The following ZNF85 variants were observed in gnomAD, a reference collection of about 807,000 sequenced individuals.
ZNF85 encodes the protein zinc finger protein 85 (HPF4, HTF1).
Under a neutral mutation model 53.9 loss-of-function variants are expected in ZNF85, and 50 were observed. The ratio of observed to expected loss-of-function variants is 0.93; its 90% CI spans 0.74 to 1.17. ZNF85 has a LOEUF of 1.17. Among genes scored for constraint, ZNF85 ranks in the 50% most tolerant of loss-of-function variants. ZNF85 has a pLI of 0.00. For missense variants in ZNF85, 747 were observed against 688.5 expected, an observed-to-expected ratio of 1.08 and a Z score of -0.95; for synonymous variants, 225 against 226.1, an observed-to-expected ratio of 1.00 and a Z score of 0.04.
intron 1 of ZNF85, among the ~76,000 whole-genome samples, 196 bp from the exon 2 acceptor site, chr19:20,933,828 A>G (rs1057014024): frequency 5.3e-5 from 8 of 152,176 alleles, no homozygotes; most frequent in African/African-American, 1.9e-4. Flanking sequence ...ATTAGAGAAT[A>G]TTTCTGTGTT....
intron 3 of ZNF85, among the ~76,000 whole-genome samples, chr19:20,939,532 C>A (rs1010484147): frequency 1.3e-5 from 2 of 150,898 alleles, no homozygotes; most frequent in African/African-American, 4.9e-5. Flanking sequence ...AGATTACAGG[C>A]CTGAGCCACC....
chr19:20,935,938 T>G (rs111655079), intron 3 of ZNF85, among the ~76,000 whole-genome samples: 1,808 of 152,282 alleles, frequency 0.012, 34 homozygotes, highest in African/African-American at 0.034. Flanking sequence ...TTTCAATGCA[T>G]AGACATAAAA....
At chr19:20,944,007 G>A (rs1973364109) in intron 3 of ZNF85, 1 of 319,598 alleles carries the variant, frequency 3.1e-6, no homozygotes, top group Non-Finnish European at 4.5e-6. Flanking sequence ...ATATTTTCCA[G>A]TTTGTTATTG....
intron 3 of ZNF85, chr19:20,937,428 G>A (rs774862500): frequency 1.8e-5 from 8 of 449,134 alleles, no homozygotes; most frequent in Non-Finnish European, 3.1e-5. Flanking sequence ...CAGAGGAATT[G>A]TAGCTTGATC....
chr19:20,942,418 A>G (rs1207801970), intron 3 of ZNF85, among the ~76,000 whole-genome samples: 1 of 152,128 alleles, frequency 6.6e-6, no homozygotes, highest in East Asian at 1.9e-4. Flanking sequence ...CTGGGATTAC[A>G]GACGTGAGCC....
intron 3 of ZNF85, among the ~76,000 whole-genome samples, chr19:20,935,794 T>C (rs111472066): frequency 0.012 from 1,796 of 152,108 alleles, 31 homozygotes; most frequent in African/African-American, 0.034. Flanking sequence ...AGGTGATCCA[T>C]GTGCCTTGGC....
intron 1 of ZNF85, among the ~76,000 whole-genome samples, chr19:20,923,667 G>A (rs1358528300): frequency 6.6e-6 from 1 of 152,080 alleles, no homozygotes; most frequent in Non-Finnish European, 1.5e-5. Context: ...GCAGCACCGC[G>A]TCTCTCCCAG....
At chr19:20,933,980 T>A (rs1305817290) in intron 1 of ZNF85, 44 bp from the exon 2 acceptor site, 1 of 1,471,824 alleles carries the variant, frequency 6.8e-7, no homozygotes, top group Non-Finnish European at 9.3e-7. Context: ...TGTGTGTGTG[T>A]GTGTGTGTGT....
At chr19:20,946,498 A>T in intron 3 of ZNF85, 2 of 244,122 alleles carry the variant, frequency 8.2e-6, no homozygotes, top group Non-Finnish European at 8.0e-6. Flanking sequence ...ATTATATTGC[A>T]CTCTATGTGT....
rs755638919 is a variant in ZNF85 at position 20,949,244 on chromosome 19, A to C, written c.730A>C (p.Asn244His). 6.2e-7 allele frequency: 1 copy of C among 1,612,920 alleles called. No homozygotes were observed. ...TGGTAAAGCCTTTAACCAGTCCTCA[A>C]ACCTTATTAAACATAAGAAAATTCA... ...ECGKAFNQSS[N>H]LIKHKKIHTG... Residue 244 changes from asparagine to histidine, a missense_variant, in exon 4 of 4, where the codon AAC (asparagine) becomes CAC (histidine). Asn to His is a moderately conservative substitution (Grantham distance 68, BLOSUM62 1). Coordinates refer to ENST00000328178, the MANE Select transcript of ZNF85 (RefSeq NM_003429.5).
At chr19:20,946,329 C>A (rs1166346849) in intron 3 of ZNF85, 19 of 428,324 alleles carry the variant, frequency 4.4e-5, no homozygotes, top group South Asian at 3.5e-5. Flanking sequence ...GTCGTATGAG[C>A]TATTGAGAAA....
At chr19:20,936,399 A>G (rs933014634) in intron 3 of ZNF85, among the ~76,000 whole-genome samples, 3 of 146,180 alleles carry the variant, frequency 2.1e-5, no homozygotes, top group African/African-American at 7.6e-5. Flanking sequence ...CCTTTGAGAG[A>G]CAAAGGATCT....
chr19:20,944,721 T>C (rs1364807942), intron 3 of ZNF85, among the ~76,000 whole-genome samples: 1 of 151,884 alleles, frequency 6.6e-6, no homozygotes. Context: ...AATTTTGTTT[T>C]GCACTTTTAT....
chr19:20,946,813 G>A (rs972052038), intron 3 of ZNF85, among the ~76,000 whole-genome samples: 2 of 151,784 alleles, frequency 1.3e-5, no homozygotes, highest in African/African-American at 4.8e-5. Flanking sequence ...GCCACTTTCA[G>A]TCTTTCTTTA....
rs141349365 is a variant in ZNF85 at position 20,942,220 on chromosome 19, G to A, written c.230-6524G>A. Among the ~76,000 whole-genome samples, 1,264 of 151,514 alleles carry A rather than the reference G, an allele frequency of 8.3e-3. 19 individuals are homozygous for A. Among genetic ancestry groups the A allele is most frequent in the South Asian group, 0.033 (156 of 4,794 alleles). ...CTCTCACTGTTTCCCAGGCTGGAGT[G>A]CAATGGCATAATCTCGGCTCACTGC... is the stretch of plus-strand genomic sequence containing the variant. On this transcript the variant is annotated intron_variant, in intron 3 of 3. Transcript: ENST00000328178.
chr19:20,930,767 G>A (rs1310958961), intron 1 of ZNF85, among the ~76,000 whole-genome samples: 1 of 152,116 alleles, frequency 6.6e-6, no homozygotes, highest in Non-Finnish European at 1.5e-5. Flanking sequence ...TAAGGATGGA[G>A]ATGGATTTTA....
chr19:20,931,398 C>T (rs1196456587), intron 1 of ZNF85, among the ~76,000 whole-genome samples: 3 of 151,982 alleles, frequency 2.0e-5, no homozygotes, highest in Non-Finnish European at 4.4e-5. Context: ...TGTGCCCTTT[C>T]CACAGATTCT....
rs372445769 is a variant in ZNF85, at chr19:20,949,529, G to T, written c.1015G>T (p.Glu339Ter). The change falls in exon 4 of 4, where the codon GAG becomes TAG. Residue 339 changes from glutamate (E) to a stop codon, truncating the protein, a stop_gained. Transcript: ENST00000328178. LOFTEE classifies it high-confidence loss of function. ...TACACATAAGATAATTCATACTGGA[G>T]AGAAACCCTACAAATGTAAAAAATG... ...LTTHKIIHTG[E>*]KPYKCKKCGK... 4 of 1,613,190 alleles carry T rather than the reference G, an allele frequency of 2.5e-6. No individual in the cohort carries two copies. Among genetic ancestry groups the T allele is most frequent in the African/African-American group, 1.3e-5 (1 of 74,850 alleles).
chr19:20,931,250 A>G lies in ZNF85; in HGVS notation c.4-2774A>G, dbSNP rs890218182. Among the ~76,000 whole-genome samples the G allele has an allele frequency of 4.9e-4, 74 of 152,338 alleles. 1 individual carries two copies. The highest frequency in any genetic ancestry group is 3.4e-3 in the Middle Eastern group (1 of 294). On this transcript the variant is annotated intron_variant, in intron 1 of 3. Transcript: ENST00000328178. Reference sequence around the variant, plus strand: ...GGACTCTTTTCAAACCTGCAGAATCATATTACATAGAATGGAGCCAAAATT... The same window carrying G: ...GGACTCTTTTCAAACCTGCAGAATCGTATTACATAGAATGGAGCCAAAATT...
Sources: gnomAD v4.1 joint callset for allele counts (sites outside exome capture counted in the v4.1 genomes callset) on GRCh38, gnomAD v4.1.1 for gene constraint, MANE v1.5 for transcripts, NCBI Gene and HGNC (gene_info 2026-07-23, HGNC 2026-07-21) for gene names.